The following PDE4D variants were observed in gnomAD, a reference collection of about 807,000 sequenced individuals.
PDE4D encodes the protein 3',5'-cyclic-AMP phosphodiesterase 4D.
Under a neutral mutation model 87.4 loss-of-function variants are expected in PDE4D, and 24 were observed. That is an observed-to-expected ratio of 0.27 (90% CI 0.20 to 0.39). The LOEUF (loss-of-function observed/expected upper bound fraction) is 0.39. Among genes scored for constraint, PDE4D ranks in the 10% least tolerant of loss-of-function variants. The probability of loss-of-function intolerance (pLI) is 1.00; values close to 1 mark genes in which losing one functional copy is unlikely to be tolerated. For missense variants in PDE4D, 714 were observed against 1,041.0 expected, an observed-to-expected ratio of 0.69 and a Z score of 4.32; for synonymous variants, 384 against 383.2, an observed-to-expected ratio of 1.00 and a Z score of -0.02.
intron 5 of PDE4D, among the ~76,000 whole-genome samples, chr5:59,113,613 A>G (rs1405638889): frequency 1.3e-5 from 2 of 152,224 alleles, no homozygotes; most frequent in African/African-American, 4.8e-5. Flanking sequence ...TCTAAGAAAC[A>G]TAAAGCGAAG....
chr5:60,250,100 G>T (rs1369940076), intron 1 of PDE4D, among the ~76,000 whole-genome samples: 2 of 151,830 alleles, frequency 1.3e-5, no homozygotes, highest in Non-Finnish European at 2.9e-5. Context: ...TAGACACTGG[G>T]GCTATCATCA....
intron 1 of PDE4D, among the ~76,000 whole-genome samples, chr5:59,226,585 C>A (rs560605764): frequency 5.3e-5 from 8 of 152,250 alleles, no homozygotes; most frequent in African/African-American, 1.9e-4. Context: ...ATTGTGCTAA[C>A]AGCTAATAAT....
chr5:59,995,998 T>C (rs932843044), intron 2 of PDE4D, among the ~76,000 whole-genome samples: 2 of 152,236 alleles, frequency 1.3e-5, no homozygotes, highest in Non-Finnish European at 2.9e-5. Flanking sequence ...GTAACTATTA[T>C]TATAAGTCAG....
At chr5:60,061,482 A>G (rs1186684971) in intron 2 of PDE4D, among the ~76,000 whole-genome samples, 2 of 152,162 alleles carry the variant, frequency 1.3e-5, no homozygotes, top group Non-Finnish European at 2.9e-5. Flanking sequence ...GGAAGAATCA[A>G]TATCATGAAA....
chr5:59,065,122 A>T (rs1199581156), intron 5 of PDE4D, among the ~76,000 whole-genome samples: 2 of 146,740 alleles, frequency 1.4e-5, no homozygotes, highest in Non-Finnish European at 3.0e-5. Context: ...ACACACACAC[A>T]CATATACAAT....
chr5:59,932,888 G>A (rs1427155710), intron 3 of PDE4D, among the ~76,000 whole-genome samples: 1 of 152,190 alleles, frequency 6.6e-6, no homozygotes, highest in Non-Finnish European at 1.5e-5. Context: ...AGAACATAAG[G>A]AAAATTTCTA....
chr5:59,172,281 AAT>A (rs1245395309), intron 5 of PDE4D, among the ~76,000 whole-genome samples: 4 of 129,592 alleles, frequency 3.1e-5, no homozygotes, highest in Admixed American at 9.0e-5. Context: ...ATTTATAAGA[AAT>A]ATATATTTAT....
chr5:59,300,111 CAAAAAA>C (rs58771016), intron 1 of PDE4D, among the ~76,000 whole-genome samples: 19 of 48,758 alleles, frequency 3.9e-4, no homozygotes, highest in African/African-American at 1.7e-3. Context: ...GGGTCTGTCT[CAAAAAA>C]AAAAAAAAAA....
At chr5:59,252,968 C>T (rs1328746531) in intron 1 of PDE4D, among the ~76,000 whole-genome samples, 1 of 152,150 alleles carries the variant, frequency 6.6e-6, no homozygotes, top group African/African-American at 2.4e-5. Flanking sequence ...ACAACGTGCA[C>T]ACACAGTCGT....
intron 1 of PDE4D, among the ~76,000 whole-genome samples, chr5:60,268,134 T>C (rs2149717097): frequency 6.6e-6 from 1 of 152,312 alleles, no homozygotes; most frequent in Non-Finnish European, 1.5e-5. Flanking sequence ...AGATGCCTCA[T>C]TCCTGTTACC....
chr5:59,928,390 C>T (rs528177038), intron 3 of PDE4D, among the ~76,000 whole-genome samples: 1 of 152,112 alleles, frequency 6.6e-6, no homozygotes, highest in East Asian at 1.9e-4. Context: ...CCAGCCTGGC[C>T]AACATCCTGA....
chr5:59,180,794 G>GT, intron 4 of PDE4D, 150 bp from the exon 5 acceptor site: 1 of 719,364 alleles, frequency 1.4e-6, no homozygotes, highest in Non-Finnish European at 2.4e-6. Context: ...AGCCAGACAA[G>GT]TCCCTAGGCG....
intron 1 of PDE4D, among the ~76,000 whole-genome samples, chr5:59,785,595 T>G (rs560678724): frequency 4.6e-5 from 7 of 152,338 alleles, no homozygotes; most frequent in African/African-American, 1.7e-4. Flanking sequence ...AGGAAGAGGA[T>G]GCTATGTACA....
At chr5:60,008,642 T>A (rs1545069) in intron 2 of PDE4D, among the ~76,000 whole-genome samples, 2,067 of 152,088 alleles carry the variant, frequency 0.014, 42 homozygotes, top group African/African-American at 0.048. Context: ...GCCAAATCAT[T>A]ACCTTTTCTA....
chr5:59,899,635 G>T (rs917146516), intron 3 of PDE4D, among the ~76,000 whole-genome samples: 4 of 152,114 alleles, frequency 2.6e-5, no homozygotes, highest in Non-Finnish European at 5.9e-5. Context: ...AAGTTGGAGT[G>T]TGATGTTTGG....
intron 1 of PDE4D, among the ~76,000 whole-genome samples, chr5:59,539,839 A>AAC (rs1399768209): frequency 6.6e-6 from 1 of 151,846 alleles, no homozygotes; most frequent in Admixed American, 6.6e-5. Context: ...TACATACACA[A>AAC]ACACACACAC....
intron 5 of PDE4D, among the ~76,000 whole-genome samples, chr5:59,104,897 A>G (rs1390185441): frequency 6.6e-6 from 1 of 152,228 alleles, no homozygotes; most frequent in Non-Finnish European, 1.5e-5. Context: ...ATCAGCCAAC[A>G]GGAAGCTCAG....
chr5:59,944,780 C>T (rs536111821), intron 3 of PDE4D, among the ~76,000 whole-genome samples: 2 of 152,234 alleles, frequency 1.3e-5, no homozygotes, highest in African/African-American at 4.8e-5. Context: ...TCCTTCCTCC[C>T]TGCCATCTTC....
intron 1 of PDE4D, among the ~76,000 whole-genome samples, chr5:59,841,963 T>C (rs964780251): frequency 7.2e-5 from 11 of 151,878 alleles, no homozygotes; most frequent in Non-Finnish European, 1.3e-4. Flanking sequence ...GAGGGATAAG[T>C]AGGAGCCAGG....
Sources: allele counts gnomAD v4.1 joint callset (sites outside exome capture counted in the v4.1 genomes callset), GRCh38; gene constraint gnomAD v4.1.1; transcripts MANE v1.5; gene names NCBI Gene and HGNC (gene_info 2026-07-23, HGNC 2026-07-21).